TNRC18: variants seen among roughly 807,000 people sequenced by gnomAD.
TNRC18 encodes trinucleotide repeat-containing gene 18 protein.
TNRC18 carries 69 observed loss-of-function variants against 226.7 expected under a neutral mutation model. The ratio of observed to expected loss-of-function variants is 0.30; its 90% confidence interval spans 0.25 to 0.37. The LOEUF is 0.37. Among genes scored for constraint, TNRC18 ranks in the 10% least tolerant of loss-of-function variants. The pLI, the probability that TNRC18 is intolerant of heterozygous loss-of-function variation, is 1.00. For synonymous variants in TNRC18, 2,449 were observed against 1,927.6 expected (o/e 1.27, Z -7.09); for missense variants, 4,754 against 4,256.6 (o/e 1.12, Z -3.25).
At chr7:5,416,755 G>A (rs2128222572) in intron 2 of TNRC18, among the ~76,000 whole-genome samples, 1 of 152,040 alleles carries the variant, frequency 6.6e-6, no homozygotes, top group Admixed American at 6.6e-5. Flanking sequence ...TACTCAGGAG[G>A]CTGAGGCAGG....
chr7:5,395,476 C>G (rs1780610539), intron 2 of TNRC18, among the ~76,000 whole-genome samples: 1 of 152,234 alleles, frequency 6.6e-6, no homozygotes, highest in Non-Finnish European at 1.5e-5. Flanking sequence ...GACAGGGTGC[C>G]TCCCAGCTGC....
intron 5 of TNRC18, among the ~76,000 whole-genome samples, chr7:5,382,297 T>A (rs1485891377): frequency 6.6e-6 from 1 of 152,142 alleles, no homozygotes; most frequent in African/African-American, 2.4e-5. Context: ...GCCACGTCAC[T>A]GCCGCCCCCT....
At chr7:5,374,029 C>A in intron 10 of TNRC18, 26 bp downstream of exon 10, 1 of 1,510,054 alleles carries the variant, frequency 6.6e-7, no homozygotes, top group South Asian at 1.3e-5. Flanking sequence ...CAGAGTGAGA[C>A]CCTGAGGGTC....
Position 5,312,246 on chromosome 7 carries a change from G to A in TNRC18, c.8388+257C>T, listed in dbSNP as rs1180598926. Among the ~76,000 whole-genome samples the A allele has an allele frequency of 6.6e-6, 1 of 152,220 alleles. No individual in the cohort carries two copies. On this transcript the variant is annotated intron_variant, in intron 27 of 29. Transcript: ENST00000430969. This position sits in a 1 kb window ranked among gnomAD's most constrained non-coding sequence, Gnocchi z 6.3. ...CACGTTTCCTTCATCTGGGCTCCAC[G>A]AGGGTGGCTCTGCGTCCCGGGACCA...
At position 5,374,208 on chromosome 7, in the gene TNRC18, T is replaced by TG; in HGVS notation, c.3075dup (p.Thr1026HisfsTer88). 4 of 675,286 alleles carry TG rather than the reference T, an allele frequency of 5.9e-6. No individual in the cohort carries two copies. Among genetic ancestry groups the TG allele is most frequent in the East Asian group, 1.4e-4 (1 of 7,190 alleles). The allele number at this position is 675,286 out of a possible 1,614,324, so 41.8% of individuals were successfully genotyped here. On this transcript the variant is annotated frameshift_variant, in exon 10 of 30. Transcript: ENST00000430969. LOFTEE classifies it high-confidence loss of function. ...GGGCTGGTGGGGTGGGAGCTGGGGG[T>TG]GGCGGGGTAGGCGTAGGCGGGTGGC...
At chr7:5,364,280 G>A (rs1024066528) in intron 11 of TNRC18, among the ~76,000 whole-genome samples, 5 of 152,028 alleles carry the variant, frequency 3.3e-5, no homozygotes, top group African/African-American at 9.7e-5. Context: ...GCAACACAGC[G>A]AGACTCCAGC....
At chr7:5,327,546 T>A (rs1789061622) in intron 19 of TNRC18, among the ~76,000 whole-genome samples, 1 of 151,964 alleles carries the variant, frequency 6.6e-6, no homozygotes, top group South Asian at 2.1e-4. Flanking sequence ...ATTAAGCAGA[T>A]AGCTGCAGCT....
At chr7:5,414,282 C>A (rs1782020731) in intron 2 of TNRC18, among the ~76,000 whole-genome samples, 1 of 151,338 alleles carries the variant, frequency 6.6e-6, no homozygotes, top group Non-Finnish European at 1.5e-5. Flanking sequence ...GATGTACCAT[C>A]GTCTCCCATA....
intron 2 of TNRC18, among the ~76,000 whole-genome samples, chr7:5,414,699 A>C (rs1425558817): frequency 6.6e-6 from 1 of 152,250 alleles, no homozygotes; most frequent in Non-Finnish European, 1.5e-5. Flanking sequence ...GGCGTGAGCC[A>C]CTGCGCCCGG....
chr7:5,393,889 G>A (rs1780475778), intron 3 of TNRC18, among the ~76,000 whole-genome samples: 1 of 152,030 alleles, frequency 6.6e-6, no homozygotes, highest in Non-Finnish European at 1.5e-5. Flanking sequence ...AATTTTTTTT[G>A]TGGAGATGGG....
At chr7:5,320,459 A>T in intron 23 of TNRC18, 33 bp from the exon 24 acceptor site, 1 of 1,564,580 alleles carries the variant, frequency 6.4e-7, no homozygotes, top group East Asian at 2.4e-5. Context: ...CAAGGTGTGG[A>T]CACAGTTATG....
chr7:5,351,597 A>T (rs1200530248), intron 17 of TNRC18, among the ~76,000 whole-genome samples: 1 of 152,246 alleles, frequency 6.6e-6, no homozygotes, highest in Non-Finnish European at 1.5e-5. Context: ...CGGGGATATT[A>T]TCACAATGAT....
Position 5,313,343 on chromosome 7 carries a change from G to C in TNRC18, c.7548C>G (p.Pro2516=), listed in dbSNP as rs1329889735. ...PAAGSSEPKA[P]WPKATDGDLA... ...GGTCCCCGTCGGTGGCCTTGGGCCA[G>C]GGTGCCTTGGGCTCGCTGCTGCCGG... is the stretch of plus-strand genomic sequence containing the variant. Residue 2516 remains proline (P), a synonymous_variant, in exon 27 of 30, where the codon CCC becomes CCG. Coordinates refer to ENST00000430969, the MANE Select transcript of TNRC18 (RefSeq NM_001080495.3). The C allele has an allele frequency of 2.6e-6, 4 of 1,558,676 alleles. No homozygotes were observed. The highest frequency in any genetic ancestry group is 1.2e-5 in the South Asian group (1 of 84,980).
chr7:5,312,189 C>T lies in TNRC18; in HGVS notation c.8388+314G>A, dbSNP rs1046416057. On this transcript the variant is annotated intron_variant, in intron 27 of 29. Transcript: ENST00000430969. The surrounding 1 kb of genome is among the most constrained non-coding windows in gnomAD (Gnocchi z 6.3). Reference sequence around the variant, plus strand: ...GGCCTGGAAAGCCCCTTCCACGTGGCGCCGACGCCTGTGGGTCTGTGCTGA... The same window carrying T: ...GGCCTGGAAAGCCCCTTCCACGTGGTGCCGACGCCTGTGGGTCTGTGCTGA... Among the ~76,000 whole-genome samples the T allele has an allele frequency of 3.9e-5, 6 of 152,150 alleles. No individual in the cohort carries two copies. The highest frequency in any genetic ancestry group is 5.9e-5 in the Non-Finnish European group (4 of 68,002).
In TNRC18 at chr7:5,312,432, A is replaced by G; in HGVS notation, c.8388+71T>C. The G allele has an allele frequency of 1.3e-6, 2 of 1,553,114 alleles. No individual in the cohort carries two copies. Among genetic ancestry groups the G allele is most frequent in the Non-Finnish European group, 1.7e-6 (2 of 1,155,598 alleles). On this transcript the variant is annotated intron_variant, in intron 27 of 29. Transcript: ENST00000430969. This position sits in a 1 kb window ranked among gnomAD's most constrained non-coding sequence, Gnocchi z 6.3. ...TTACCACACACGGAGACACAGCATGAAGCCGTGGGCCCAGCAGAGAGACAC... is the reference window on the plus strand; with the variant it reads ...TTACCACACACGGAGACACAGCATGGAGCCGTGGGCCCAGCAGAGAGACAC...
At position 5,370,979 on chromosome 7, in the gene TNRC18, C is replaced by T. The variant is rs766742525; in HGVS notation, c.3615G>A (p.Ala1205=). 36 of 1,605,966 alleles carry T rather than the reference C, an allele frequency of 2.2e-5. No homozygotes were observed. The highest frequency in any genetic ancestry group is 1.6e-4 in the African/African-American group (12 of 75,046). ...GCGGGLLEAQ[A]LSATGQSCAE... ...CGCAGCTCTGCCCGGTGGCACTCAG[C>T]GCCTGGGCCTCCAACAGGCCACCTC... Residue 1205 remains alanine (A), a synonymous_variant, in exon 11 of 30, where the codon GCG becomes GCA. Transcript: ENST00000430969.
At position 5,421,207 on chromosome 7, in the gene TNRC18, C is replaced by G. The variant is rs754716600; in HGVS notation, c.40G>C (p.Gly14Arg). 3.0e-6 allele frequency: 4 copies of G among 1,339,734 alleles called. No homozygotes were observed. Among genetic ancestry groups the G allele is most frequent in the Admixed American group, 3.9e-5 (1 of 25,504 alleles). The allele number at this position is 1,339,734 out of a possible 1,614,324, so 83.0% of individuals were successfully genotyped here. A position where few individuals can be genotyped will look rare whatever the true frequency, so the allele number is the denominator to read the frequency against. ...RDFGPQRSVH[G>R]PPPPLLSGLA... ...CCGGACAGCAGCGGCGGCGGGGGACCGTGCACGGACCGCTGGGGCCCGAAG... is the reference window on the plus strand; with the variant it reads ...CCGGACAGCAGCGGCGGCGGGGGACGGTGCACGGACCGCTGGGGCCCGAAG... Residue 14 changes from glycine to arginine, a missense_variant, in exon 2 of 30, where the codon GGT becomes CGT. Transcript: ENST00000430969.
rs149042951 is a variant in TNRC18 at position 5,347,493 on chromosome 7, G to GCC, written c.5471-1685_5471-1684dup. 2.5e-4 allele frequency among the ~76,000 whole-genome samples: 38 copies of GCC among 149,862 alleles called. 1 individual carries two copies. The East Asian group carries it at 4.9e-3, about 19-fold the overall frequency. On this transcript the variant is annotated intron_variant, in intron 17 of 29. Transcript: ENST00000430969. ...TTACAGGCATGAGCCGCCACACCCAGCCCCCCCGCAAAAATTTTAAAATTA... is the reference window on the plus strand; with the variant it reads ...TTACAGGCATGAGCCGCCACACCCAGCCCCCCCCCGCAAAAATTTTAAAATTA...
chr7:5,341,757 C>T (rs575289711), intron 18 of TNRC18, among the ~76,000 whole-genome samples: 15 of 107,902 alleles, frequency 1.4e-4, no homozygotes, highest in East Asian at 1.0e-3. Flanking sequence ...AGCGAGACTC[C>T]GTCTCAAAAA....
Sources: allele counts gnomAD v4.1 joint callset (sites outside exome capture counted in the v4.1 genomes callset), GRCh38; gene constraint gnomAD v4.1.1; non-coding constraint Gnocchi (gnomAD v3.1); transcripts MANE v1.5; gene names NCBI Gene and HGNC (gene_info 2026-07-23, HGNC 2026-07-21).